ERC2: variants seen among roughly 807,000 people sequenced by gnomAD.
ERC2 encodes ERC protein 2.
A neutral mutation model predicts 114.8 loss-of-function variants in ERC2; 42 were observed. The ratio of observed to expected loss-of-function variants is 0.37; its 90% confidence interval spans 0.29 to 0.47. The LOEUF is 0.47. ERC2 is among the 20% of genes least tolerant of loss of function. The pLI is 0.99. For synonymous variants in ERC2, 454 were observed against 425.5 expected (o/e 1.07, Z -0.82); for missense variants, 939 against 1,150.7 (o/e 0.82, Z 2.66).
intron 14 of ERC2, among the ~76,000 whole-genome samples, chr3:55,780,874 G>T (rs371239958): frequency 3.9e-5 from 6 of 152,186 alleles, no homozygotes; most frequent in African/African-American, 1.4e-4. Context: ...CTGTAGCCCT[G>T]TGTTGTGTGA....
chr3:56,108,505 C>T (rs998092068), intron 6 of ERC2, among the ~76,000 whole-genome samples: 3 of 151,956 alleles, frequency 2.0e-5, no homozygotes, highest in Non-Finnish European at 4.4e-5. Context: ...TATATATACA[C>T]ATATCTATTT....
chr3:56,453,261 C>A (rs2062907108), intron 1 of ERC2, among the ~76,000 whole-genome samples: 1 of 152,174 alleles, frequency 6.6e-6, no homozygotes, highest in Non-Finnish European at 1.5e-5. Flanking sequence ...CAAACAGTAG[C>A]TATCAGAGCC....
At chr3:56,195,464 T>C (rs1468900493) in intron 3 of ERC2, among the ~76,000 whole-genome samples, 20 of 150,670 alleles carry the variant, frequency 1.3e-4, no homozygotes. Context: ...ACTATATATA[T>C]GTATGTTTAG....
chr3:55,969,157 T>C (rs2068969323), intron 12 of ERC2, among the ~76,000 whole-genome samples: 1 of 152,172 alleles, frequency 6.6e-6, no homozygotes, highest in African/African-American at 2.4e-5. Flanking sequence ...CTTAACAGCC[T>C]GCAGCAATCA....
intron 7 of ERC2, among the ~76,000 whole-genome samples, chr3:56,054,641 C>G (rs905862309): frequency 6.6e-6 from 1 of 152,134 alleles, no homozygotes; most frequent in Non-Finnish European, 1.5e-5. Context: ...CTTATTTTAT[C>G]GATGAGCAAA....
At chr3:56,316,899 G>T (rs1038948674) in intron 2 of ERC2, among the ~76,000 whole-genome samples, 16 of 152,182 alleles carry the variant, frequency 1.1e-4, no homozygotes, top group African/African-American at 3.6e-4. Context: ...ATACAGAGAG[G>T]TATAGTATAT....
intron 12 of ERC2, among the ~76,000 whole-genome samples, chr3:55,955,991 A>C (rs1192336897): frequency 6.6e-6 from 1 of 152,136 alleles, no homozygotes; most frequent in East Asian, 1.9e-4. Flanking sequence ...TCATAGGGTG[A>C]TTGTGAGGGG....
chr3:55,957,974 G>T (rs1197497452), intron 12 of ERC2, among the ~76,000 whole-genome samples: 1 of 152,204 alleles, frequency 6.6e-6, no homozygotes, highest in Non-Finnish European at 1.5e-5. Flanking sequence ...TGAGTTGGGG[G>T]TGTGTTTCAG....
chr3:55,633,106 T>C (rs1000175892), intron 17 of ERC2, among the ~76,000 whole-genome samples: 10 of 152,182 alleles, frequency 6.6e-5, no homozygotes, highest in Non-Finnish European at 1.5e-4. Context: ...TTTTGTGAGC[T>C]CTAGGATAAG....
intron 13 of ERC2, among the ~76,000 whole-genome samples, chr3:55,942,522 C>A (rs540723419): frequency 6.7e-5 from 10 of 150,214 alleles, no homozygotes; most frequent in Admixed American, 6.0e-4. Context: ...TGGTCTCGAT[C>A]TCCTGACCTC....
chr3:55,997,084 A>G (rs1022810422), intron 10 of ERC2, among the ~76,000 whole-genome samples: 1 of 152,248 alleles, frequency 6.6e-6, no homozygotes, highest in Non-Finnish European at 1.5e-5. Flanking sequence ...GGCAGGGAAC[A>G]TTCAATTATT....
chr3:56,383,386 C>A (rs143887644), intron 2 of ERC2, among the ~76,000 whole-genome samples: 1 of 152,308 alleles, frequency 6.6e-6, no homozygotes, highest in East Asian at 1.9e-4. Flanking sequence ...TCTGATACTA[C>A]TAATCACCAT....
chr3:56,187,703 T>G (rs1388810249), intron 3 of ERC2, among the ~76,000 whole-genome samples: 1 of 152,136 alleles, frequency 6.6e-6, no homozygotes, highest in Non-Finnish European at 1.5e-5. Flanking sequence ...AGTTAAAAAT[T>G]GTAAATGTAT....
chr3:55,721,089 C>T (rs770294068), intron 15 of ERC2, among the ~76,000 whole-genome samples: 3 of 152,202 alleles, frequency 2.0e-5, no homozygotes, highest in Admixed American at 6.5e-5. Context: ...AATCTAGAAT[C>T]CCCCAATATT....
At position 56,270,815 on chromosome 3, in the gene ERC2, T is replaced by A. The variant is rs1050959917; in HGVS notation, c.1074+25204A>T. Among the ~76,000 whole-genome samples, 4 of 152,160 alleles carry A rather than the reference T, an allele frequency of 2.6e-5. No individual in the cohort carries two copies. In the East Asian group the frequency reaches 7.7e-4, roughly 29 times the overall value. On this transcript the variant is annotated intron_variant, in intron 3 of 17. Coordinates refer to ENST00000288221, the MANE Select transcript of ERC2 (RefSeq NM_015576.3). ...TAACACAGTGAAACCCCGTCTCTAC[T>A]AAAAATACAAAAAGAAATTAGCCAG...
rs115765291 is a variant in ERC2, at chr3:55,990,371, C to T, written c.2255+1686G>A. ...AATTTGAATGTACCAAATATTATAC[C>T]GGAAAATGTTGAAATTTTATTGGAA... On this transcript the variant is annotated intron_variant, in intron 11 of 17. Coordinates refer to ENST00000288221, the MANE Select transcript of ERC2 (RefSeq NM_015576.3). Among the ~76,000 whole-genome samples, 769 of 152,102 alleles carry T rather than the reference C, an allele frequency of 5.1e-3. 10 individuals are homozygous for T. The highest frequency in any genetic ancestry group is 0.018 in the African/African-American group (728 of 41,494).
chr3:55,564,800 G>A (rs1487968545), intron 17 of ERC2, among the ~76,000 whole-genome samples: 4 of 152,228 alleles, frequency 2.6e-5, no homozygotes, highest in Admixed American at 2.6e-4. Context: ...GCTGGAGCTT[G>A]CGAGCAACCA....
chr3:56,376,359 A>G (rs934838708), intron 2 of ERC2, among the ~76,000 whole-genome samples: 5 of 152,084 alleles, frequency 3.3e-5, no homozygotes, highest in Non-Finnish European at 7.4e-5. Flanking sequence ...CTCTGATAAC[A>G]TTGGTAACAT....
At chr3:55,992,350 T>C (rs1231439146) in intron 10 of ERC2, 100 bp from the exon 11 acceptor site, 5 of 1,071,378 alleles carry the variant, frequency 4.7e-6, no homozygotes, top group African/African-American at 3.2e-5. Flanking sequence ...GGAGAGAAAA[T>C]CACCACCAAG....
Sources: allele counts gnomAD v4.1 joint callset (sites outside exome capture counted in the v4.1 genomes callset), GRCh38; gene constraint gnomAD v4.1.1; transcripts MANE v1.5; gene names NCBI Gene and HGNC (gene_info 2026-07-23, HGNC 2026-07-21).